The following ARHGEF7 variants were observed in gnomAD, a reference collection of about 807,000 sequenced individuals.
ARHGEF7 encodes PAK-interacting exchange factor beta.
In ARHGEF7, 33 loss-of-function variants were observed where a neutral mutation model predicts 109.8. That is an observed-to-expected ratio of 0.30 (90% CI 0.23 to 0.40). ARHGEF7 has a LOEUF of 0.40. Ranked by LOEUF, ARHGEF7 falls within the 10% of genes least tolerant of loss-of-function variation. ARHGEF7 has a pLI of 1.00. For missense variants in ARHGEF7, 938 were observed against 1,098.5 expected (o/e 0.85, Z 2.07); for synonymous variants, 458 against 424.6 (o/e 1.08, Z -0.97).
At chr13:111,151,314 T>C (rs1313500789) in intron 1 of ARHGEF7, among the ~76,000 whole-genome samples, 1 of 152,252 alleles carries the variant, frequency 6.6e-6, no homozygotes, top group East Asian at 1.9e-4. Context: ...GAACCTGCCT[T>C]GCCTGCAAGT....
At chr13:111,260,784 A>G (rs1403612433) in intron 8 of ARHGEF7, among the ~76,000 whole-genome samples, 1 of 152,242 alleles carries the variant, frequency 6.6e-6, no homozygotes, top group Non-Finnish European at 1.5e-5. Flanking sequence ...AAAAACTACA[A>G]GTTTTCAAGA....
At chr13:111,274,701 A>G (rs780572857) in intron 10 of ARHGEF7, 30 bp from the exon 11 acceptor site, 37 of 1,358,464 alleles carry the variant, frequency 2.7e-5, no homozygotes, top group Non-Finnish European at 3.5e-5. Flanking sequence ...TTCCTTATGA[A>G]AGCTAATTGT....
intron 12 of ARHGEF7, among the ~76,000 whole-genome samples, chr13:111,276,226 T>C (rs2092470857): frequency 6.6e-6 from 1 of 152,210 alleles, no homozygotes; most frequent in Non-Finnish European, 1.5e-5. Flanking sequence ...CACATTGACA[T>C]ACATTCAATG....
chr13:111,120,133 T>C (rs911551682), intron 1 of ARHGEF7, among the ~76,000 whole-genome samples: 4 of 152,252 alleles, frequency 2.6e-5, no homozygotes, highest in Non-Finnish European at 5.9e-5. Flanking sequence ...TTTTGAAGCA[T>C]GTGACTTTAT....
At chr13:111,241,029 C>A in intron 6 of ARHGEF7, 1 of 964,498 alleles carries the variant, frequency 1.0e-6, no homozygotes, top group Non-Finnish European at 1.5e-6. Flanking sequence ...CTGCGAGGCA[C>A]AGCAGTGAGT....
At chr13:111,169,951 G>C (rs2077448044) in intron 2 of ARHGEF7, among the ~76,000 whole-genome samples, 1 of 152,182 alleles carries the variant, frequency 6.6e-6, no homozygotes, top group African/African-American at 2.4e-5. Flanking sequence ...TGAGGTGAGA[G>C]AGCACCTGAG....
At chr13:111,149,177 AG>A (rs781432851) in intron 1 of ARHGEF7, among the ~76,000 whole-genome samples, 9 of 152,166 alleles carry the variant, frequency 5.9e-5, no homozygotes, top group Non-Finnish European at 1.3e-4. Context: ...TGGGAGTCTG[AG>A]GCGGGCAGAT....
At chr13:111,115,765 C>G in intron 1 of ARHGEF7, 74 bp downstream of exon 1, 6 of 915,058 alleles carry the variant, frequency 6.6e-6, no homozygotes, top group Non-Finnish European at 8.1e-6. Context: ...CGCGGAGCAC[C>G]TGAGGCCGGC....
intron 2 of ARHGEF7, among the ~76,000 whole-genome samples, chr13:111,155,460 T>C (rs543868022): frequency 3.9e-5 from 6 of 152,370 alleles, no homozygotes; most frequent in African/African-American, 1.2e-4. Flanking sequence ...AAGGAAATTA[T>C]TACACGTAAG....
At chr13:111,118,296 G>A (rs1438550751) in intron 1 of ARHGEF7, among the ~76,000 whole-genome samples, 2 of 152,226 alleles carry the variant, frequency 1.3e-5, no homozygotes, top group African/African-American at 4.8e-5. Context: ...CGTTCACGGC[G>A]TGTCAGATTC....
Position 111,295,106 on chromosome 13 carries a change from G to T in ARHGEF7, c.2311+2812G>T, listed in dbSNP as rs1166826927. The T allele has an allele frequency of 9.2e-6, 9 of 982,220 alleles. No homozygotes were observed. In the African/African-American group the frequency reaches 1.6e-4, roughly 17 times the overall value. The allele number at this position is 982,220 out of a possible 1,614,324, so 60.8% of individuals were successfully genotyped here. ...TGTATTGTACAGTATGCATATTATTGTTTGTGGTTGCATATGGCAATGAAG... is the reference window on the plus strand; with the variant it reads ...TGTATTGTACAGTATGCATATTATTTTTTGTGGTTGCATATGGCAATGAAG... On this transcript the variant is annotated intron_variant, in intron 19 of 21. Coordinates refer to ENST00000646102, the MANE Select transcript of ARHGEF7 (RefSeq NM_001354046.2).
chr13:111,132,623 G>A (rs145517510), intron 1 of ARHGEF7, among the ~76,000 whole-genome samples: 19 of 152,328 alleles, frequency 1.2e-4, no homozygotes, highest in Admixed American at 2.6e-4. Context: ...AACGCTCACA[G>A]TGTATTACAT....
intron 2 of ARHGEF7, among the ~76,000 whole-genome samples, chr13:111,179,725 T>C (rs893854993): frequency 1.3e-5 from 2 of 152,242 alleles, no homozygotes; most frequent in African/African-American, 4.8e-5. Flanking sequence ...TCTGCCTTTA[T>C]CGCTTTAACG....
chr13:111,184,914 T>G (rs2079096543), intron 2 of ARHGEF7: 1 of 152,272 alleles, frequency 6.6e-6, no homozygotes, highest in Non-Finnish European at 1.5e-5. Flanking sequence ...GGGAGACACT[T>G]TCTCTGCACC....
In ARHGEF7 at chr13:111,281,181, C is replaced by CTTTTTTTTTTTTTTTTTTT. The variant is rs11403258; in HGVS notation, c.1725+514_1725+532dup. On this transcript the variant is annotated intron_variant, in intron 15 of 21. Transcript: ENST00000646102. ...CAACAAGTCTTTGGATATTTAGAGA[C>CTTTTTTTTTTTTTTTTTTT]TTTTTTTTTTTTTTTTTTTTTTTTT... 5.0e-4 allele frequency: 30 copies of CTTTTTTTTTTTTTTTTTTT among 59,444 alleles called. 7 individuals carry two copies. Among genetic ancestry groups the CTTTTTTTTTTTTTTTTTTT allele is most frequent in the Non-Finnish European group, 7.0e-4 (23 of 32,632 alleles). 3.7% of individuals were successfully genotyped at this position (59,444 alleles called of 1,614,324 possible). A position where few individuals can be genotyped will look rare whatever the true frequency, so the allele number is the denominator to read the frequency against.
At chr13:111,290,854 T>C (rs1007186715) in intron 18 of ARHGEF7, among the ~76,000 whole-genome samples, 7 of 152,228 alleles carry the variant, frequency 4.6e-5, no homozygotes, top group African/African-American at 1.7e-4. Flanking sequence ...AATTGCTCGC[T>C]TGTGCTGGAA....
intron 9 of ARHGEF7, among the ~76,000 whole-genome samples, chr13:111,271,669 G>A (rs1035985206): frequency 2.0e-5 from 3 of 152,170 alleles, no homozygotes; most frequent in Non-Finnish European, 4.4e-5. Flanking sequence ...CAGACACCAC[G>A]TACACACACT....
intron 16 of ARHGEF7, among the ~76,000 whole-genome samples, chr13:111,285,305 C>T (rs7985658): frequency 0.36 from 54,911 of 152,004 alleles, 10,488 homozygotes; most frequent in Admixed American, 0.42. Flanking sequence ...TGTTTCCAGC[C>T]TGGTTCATTC....
At chr13:111,275,424 G>C (rs41275844) in intron 11 of ARHGEF7, 108 bp from the exon 12 acceptor site, 1 of 1,220,072 alleles carries the variant, frequency 8.2e-7, no homozygotes, top group Non-Finnish European at 1.2e-6. Flanking sequence ...GTCTGAAGAA[G>C]TAAGATATAA....
Sources: allele counts gnomAD v4.1 joint callset (sites outside exome capture counted in the v4.1 genomes callset), GRCh38; gene constraint gnomAD v4.1.1; transcripts MANE v1.5; gene names NCBI Gene and HGNC (gene_info 2026-07-23, HGNC 2026-07-21).